Variants in LMNB2 observed in about 807,000 individuals in gnomAD.
LMNB2 encodes lamin-B2.
In LMNB2, 17 loss-of-function variants were observed where a neutral mutation model predicts 69.3. The ratio of observed to expected loss-of-function variants is 0.25; its 90% CI spans 0.17 to 0.37. LMNB2 has a LOEUF of 0.37. LMNB2 is among the 10% of genes least tolerant of loss of function. The probability of loss-of-function intolerance (pLI) is 1.00; values close to 1 mark genes in which losing one functional copy is unlikely to be tolerated. For missense variants in LMNB2, 789 were observed against 883.6 expected (o/e 0.89, Z 1.36); for synonymous variants, 397 against 389.3 (o/e 1.02, Z -0.23).
chr19:2,442,981 T>C (rs1459198407), intron 2 of LMNB2, among the ~76,000 whole-genome samples: 1 of 152,188 alleles, frequency 6.6e-6, no homozygotes, highest in Non-Finnish European at 1.5e-5. Flanking sequence ...TTCTGACATT[T>C]CAGAGCTCCG....
intron 1 of LMNB2, among the ~76,000 whole-genome samples, chr19:2,451,874 G>T (rs533794980): frequency 6.6e-6 from 1 of 151,996 alleles, no homozygotes; most frequent in Non-Finnish European, 1.5e-5. Context: ...CTCCACGCTC[G>T]CCTGGGCCGC....
chr19:2,439,921 T>TG (rs757838991), intron 2 of LMNB2, among the ~76,000 whole-genome samples: 3 of 151,796 alleles, frequency 2.0e-5, no homozygotes, highest in Non-Finnish European at 4.4e-5. Context: ...TTAGTAGAGA[T>TG]GGGGTTTCTC....
At position 2,431,769 on chromosome 19, in the gene LMNB2, C is replaced by A. The variant is rs978396284; in HGVS notation, c.1710+14G>T. On this transcript the variant is annotated intron_variant, in intron 10 of 11. Coordinates refer to ENST00000325327, the MANE Select transcript of LMNB2 (RefSeq NM_032737.4). ...GGACTCCAGCCGAGCACCCCCCAAG[C>A]CACACACACCCACCTCGCCATCCGC... 1.4e-5 allele frequency: 22 copies of A among 1,613,686 alleles called. No individual in the cohort carries two copies. The highest frequency in any genetic ancestry group is 1.8e-5 in the Non-Finnish European group (21 of 1,179,872).
intron 1 of LMNB2, among the ~76,000 whole-genome samples, chr19:2,452,145 C>A (rs991666945): frequency 6.6e-6 from 1 of 152,064 alleles, no homozygotes; most frequent in African/African-American, 2.4e-5. Flanking sequence ...AGCCCTCCAA[C>A]GATGCTTGTA....
chr19:2,441,813 C>T (rs1210061009), intron 2 of LMNB2, among the ~76,000 whole-genome samples: 2 of 152,228 alleles, frequency 1.3e-5, no homozygotes, highest in East Asian at 3.8e-4. Context: ...CCAGGGCCAC[C>T]GCTGCTGAAA....
chr19:2,440,939 C>A (rs1291291472), intron 2 of LMNB2, among the ~76,000 whole-genome samples: 1 of 152,224 alleles, frequency 6.6e-6, no homozygotes, highest in Admixed American at 6.5e-5. Flanking sequence ...GGAGGGAGGG[C>A]TGCCTTCCCA....
chr19:2,438,314 G>C, intron 3 of LMNB2, 26 bp from the exon 4 acceptor site: 1 of 1,613,804 alleles, frequency 6.2e-7, no homozygotes, highest in Non-Finnish European at 8.5e-7. Flanking sequence ...CAGCGAGCTG[G>C]TGTGACAATC....
chr19:2,441,851 G>A (rs1362927301), intron 2 of LMNB2, among the ~76,000 whole-genome samples: 2 of 152,250 alleles, frequency 1.3e-5, no homozygotes, highest in African/African-American at 4.8e-5. Flanking sequence ...GAGCAGCAGT[G>A]CAAAGGCCCA....
chr19:2,442,545 G>C (rs895135134), intron 2 of LMNB2, among the ~76,000 whole-genome samples: 17 of 152,004 alleles, frequency 1.1e-4, no homozygotes, highest in Non-Finnish European at 4.4e-5. Flanking sequence ...CTCCAGCCTG[G>C]GTGACAGAGC....
intron 1 of LMNB2, among the ~76,000 whole-genome samples, chr19:2,449,870 G>A (rs1461705726): frequency 1.3e-5 from 2 of 151,950 alleles, no homozygotes; most frequent in East Asian, 1.9e-4. Flanking sequence ...GAGGTCAGGA[G>A]TTCGAGACCA....
chr19:2,449,738 C>A (rs530855784), intron 1 of LMNB2, among the ~76,000 whole-genome samples: 7 of 151,894 alleles, frequency 4.6e-5, no homozygotes, highest in African/African-American at 1.7e-4. Flanking sequence ...GATCACGCCA[C>A]TACGCTGCAG....
intron 4 of LMNB2, among the ~76,000 whole-genome samples, chr19:2,437,373 C>T (rs546097929): frequency 6.6e-6 from 1 of 152,322 alleles, no homozygotes; most frequent in South Asian, 2.1e-4. Flanking sequence ...ACGGTGGCAC[C>T]CAGAAGATGC....
At position 2,439,035 on chromosome 19, in the gene LMNB2, CTTTTTTTTTTTTTTTTT is replaced by C. The variant is rs397945879; in HGVS notation, c.402-521_402-505del. Among the ~76,000 whole-genome samples, 103 of 65,716 alleles carry C rather than the reference CTTTTTTTTTTTTTTTTT, an allele frequency of 1.6e-3. 3 individuals are homozygous for C. In the East Asian group the frequency reaches 0.054, roughly 34 times the overall value. The allele number at this position is 65,716 out of a possible 152,430, so 43.1% of individuals were successfully genotyped here. ...CCAGTGTGGATTGTAGGCACTTAAG[CTTTTTTTTTTTTTTTTT>C]TTTTTTTTTTTTTAAGAGACAGGGG... On this transcript the variant is annotated intron_variant, in intron 2 of 11. Transcript: ENST00000325327.
At chr19:2,437,806 A>AAAAAAAAAAAAAAAG (rs1568203831) in intron 4 of LMNB2, among the ~76,000 whole-genome samples, 5 of 151,794 alleles carry the variant, frequency 3.3e-5, no homozygotes, top group African/African-American at 9.7e-5. Context: ...TCTCAAAAAA[A>AAAAAAAAAAAAAAAG]GACGTGCCCA....
intron 4 of LMNB2, among the ~76,000 whole-genome samples, chr19:2,436,198 G>T (rs373228595): frequency 1.3e-5 from 2 of 152,092 alleles, no homozygotes; most frequent in Non-Finnish European, 2.9e-5. Context: ...CAGGAGAATC[G>T]CTTGAACCCA....
chr19:2,454,968 C>T (rs1222591417), intron 1 of LMNB2, among the ~76,000 whole-genome samples: 1 of 152,086 alleles, frequency 6.6e-6, no homozygotes, highest in African/African-American at 2.4e-5. Flanking sequence ...CATTCAGAAC[C>T]TCAACACTTT....
intron 10 of LMNB2, 50 bp downstream of exon 10, chr19:2,431,733 G>A: frequency 1.2e-6 from 2 of 1,613,568 alleles, no homozygotes; most frequent in Non-Finnish European, 8.5e-7. Context: ...AGGGTGCCCA[G>A]ACCCTGCCCA....
chr19:2,452,145 C>T (rs991666945), intron 1 of LMNB2, among the ~76,000 whole-genome samples: 2 of 152,064 alleles, frequency 1.3e-5, no homozygotes, highest in Admixed American at 1.3e-4. Flanking sequence ...AGCCCTCCAA[C>T]GATGCTTGTA....
At chr19:2,451,922 G>A (rs1342307675) in intron 1 of LMNB2, among the ~76,000 whole-genome samples, 1 of 151,488 alleles carries the variant, frequency 6.6e-6, no homozygotes, top group Non-Finnish European at 1.5e-5. Context: ...GCAGCCAGGG[G>A]ACACCGGGGC....
Sources: gnomAD v4.1 joint callset for allele counts (sites outside exome capture counted in the v4.1 genomes callset) on GRCh38, gnomAD v4.1.1 for gene constraint, MANE v1.5 for transcripts, NCBI Gene and HGNC (gene_info 2026-07-23, HGNC 2026-07-21) for gene names.